Variants in SH3BGRL2 observed in about 807,000 individuals in gnomAD.
The protein encoded by SH3BGRL2 is SH3 domain binding glutamate rich protein like 2.
A neutral mutation model predicts 14.8 loss-of-function variants in SH3BGRL2; 21 were observed. The ratio of observed to expected loss-of-function variants is 1.42; its 90% CI spans 1.01 to 2.05. The LOEUF is 2.05. Ranked by LOEUF, SH3BGRL2 falls within the 30% of genes most tolerant of loss-of-function variation. The pLI, the probability that SH3BGRL2 is intolerant of heterozygous loss-of-function variation, is 0.00. For missense variants in SH3BGRL2, 147 were observed against 130.8 expected (o/e 1.12, Z -0.61); for synonymous variants, 50 against 47.8 (o/e 1.05, Z -0.19).
intron 1 of SH3BGRL2, among the ~76,000 whole-genome samples, chr6:79,661,638 C>T (rs1430091109): frequency 2.0e-5 from 3 of 152,232 alleles, no homozygotes; most frequent in Non-Finnish European, 4.4e-5. Flanking sequence ...CTGTAGATGT[C>T]TATTAGGTCC....
intron 1 of SH3BGRL2, among the ~76,000 whole-genome samples, chr6:79,659,442 G>C (rs979638712): frequency 3.3e-5 from 5 of 152,096 alleles, no homozygotes; most frequent in Non-Finnish European, 7.4e-5. Flanking sequence ...AAGATCAGAT[G>C]GTTGTAGATG....
chr6:79,684,319 C>T, intron 2 of SH3BGRL2, among the ~76,000 whole-genome samples: 1 of 152,150 alleles, frequency 6.6e-6, no homozygotes, highest in Non-Finnish European at 1.5e-5. Context: ...CTGGTTATTA[C>T]TTCTTCTCCC....
At chr6:79,589,656 C>G in the SH3BGRL2 span, among the ~76,000 whole-genome samples, 1 of 152,086 alleles carries the variant, frequency 6.6e-6, no homozygotes, top group Admixed American at 6.6e-5. Flanking sequence ...TTAAAATGGC[C>G]ACGCTAGGTT....
the SH3BGRL2 span, among the ~76,000 whole-genome samples, chr6:79,589,211 T>A: frequency 1.3e-3 from 192 of 149,594 alleles, 4 homozygotes; most frequent in South Asian, 6.5e-3. Flanking sequence ...TATATATTTT[T>A]TTTTTTTGAT....
the SH3BGRL2 span, among the ~76,000 whole-genome samples, chr6:79,588,022 GGTGGCTC>G: frequency 2.6e-5 from 4 of 151,420 alleles, no homozygotes; most frequent in African/African-American, 9.7e-5. Context: ...GGCCGGGTGC[GGTGGCTC>G]ATGGCTGTAA....
At chr6:79,581,585 A>G in the SH3BGRL2 span, among the ~76,000 whole-genome samples, 1 of 152,156 alleles carries the variant, frequency 6.6e-6, no homozygotes, top group African/African-American at 2.4e-5. Flanking sequence ...GACAAAATTC[A>G]ACAGCGCTTC....
the SH3BGRL2 span, among the ~76,000 whole-genome samples, chr6:79,545,111 T>A: frequency 6.6e-6 from 1 of 152,322 alleles, no homozygotes; most frequent in South Asian, 2.1e-4. Flanking sequence ...GCTGGCCTCA[T>A]GTCTCCCTGT....
the SH3BGRL2 span, among the ~76,000 whole-genome samples, chr6:79,613,970 G>T: frequency 6.6e-6 from 1 of 152,076 alleles, no homozygotes; most frequent in Non-Finnish European, 1.5e-5. Flanking sequence ...CTGAAGGAAG[G>T]TGAGTTTGGG....
chr6:79,565,539 G>C, the SH3BGRL2 span, among the ~76,000 whole-genome samples: 2 of 4,100 alleles, frequency 4.9e-4, no homozygotes, highest in Non-Finnish European at 5.3e-3. Flanking sequence ...CTGTTATTTG[G>C]TATCACAATG....
chr6:79,547,534 C>A, the SH3BGRL2 span, among the ~76,000 whole-genome samples: 1 of 152,098 alleles, frequency 6.6e-6, no homozygotes, highest in Admixed American at 6.6e-5. Flanking sequence ...CTACCCCTGA[C>A]CCAAGGGCCA....
At chr6:79,590,832 AAATT>A in the SH3BGRL2 span, among the ~76,000 whole-genome samples, 13 of 152,170 alleles carry the variant, frequency 8.5e-5, no homozygotes, top group Middle Eastern at 3.4e-3. Flanking sequence ...CAAAATAAAT[AAATT>A]AATTAATTAA....
intron 2 of SH3BGRL2, among the ~76,000 whole-genome samples, chr6:79,686,416 C>T (rs1373701334): frequency 6.6e-6 from 1 of 151,946 alleles, no homozygotes; most frequent in East Asian, 1.9e-4. Flanking sequence ...ATACTCTTGA[C>T]TTATCTAGTA....
chr6:79,569,118 C>T, the SH3BGRL2 span, among the ~76,000 whole-genome samples: 59 of 152,082 alleles, frequency 3.9e-4, no homozygotes, highest in African/African-American at 1.2e-3. Flanking sequence ...GTAAGATGTA[C>T]GATATACATT....
the SH3BGRL2 span, among the ~76,000 whole-genome samples, chr6:79,624,769 A>T: frequency 1.4e-4 from 22 of 152,134 alleles, no homozygotes; most frequent in East Asian, 4.0e-3. Context: ...TTTTACAGTA[A>T]GAATAAGGTG....
the SH3BGRL2 span, among the ~76,000 whole-genome samples, chr6:79,549,457 AT>A: frequency 1.3e-5 from 2 of 152,158 alleles, no homozygotes; most frequent in Non-Finnish European, 2.9e-5. Context: ...GAGGTGTACC[AT>A]TTTTTATCTT....
At chr6:79,663,462 G>A (rs1769594540) in intron 1 of SH3BGRL2, among the ~76,000 whole-genome samples, 1 of 152,122 alleles carries the variant, frequency 6.6e-6, no homozygotes, top group South Asian at 2.1e-4. Flanking sequence ...GTTTGCCTGG[G>A]TATCACCAGC....
intron 1 of SH3BGRL2, among the ~76,000 whole-genome samples, chr6:79,647,774 G>A (rs1030264918): frequency 1.3e-5 from 2 of 152,080 alleles, no homozygotes; most frequent in Non-Finnish European, 2.9e-5. Flanking sequence ...TTTAAAAGAC[G>A]CCAGTGGAAA....
the SH3BGRL2 span, chr6:79,575,040 A>G: frequency 1.3e-5 from 2 of 152,350 alleles, no homozygotes; most frequent in South Asian, 4.1e-4. Context: ...CTGAAGGAGT[A>G]TGATGTCAAT....
At chr6:79,553,612 G>C in the SH3BGRL2 span, among the ~76,000 whole-genome samples, 1 of 152,136 alleles carries the variant, frequency 6.6e-6, no homozygotes, top group Non-Finnish European at 1.5e-5. Flanking sequence ...ACTTAATTTT[G>C]TGAGACAGAG....
Sources: gnomAD v4.1 joint callset for allele counts (sites outside exome capture counted in the v4.1 genomes callset) on GRCh38, gnomAD v4.1.1 for gene constraint, MANE v1.5 for transcripts, NCBI Gene and HGNC (gene_info 2026-07-23, HGNC 2026-07-21) for gene names.